SLC25A26: variants seen among roughly 807,000 people sequenced by gnomAD.
SLC25A26 encodes solute carrier family 25 member 26.
In SLC25A26, 36 loss-of-function variants were observed where a neutral mutation model predicts 37.8. The ratio of observed to expected loss-of-function variants is 0.95; its 90% CI spans 0.73 to 1.26. The LOEUF (loss-of-function observed/expected upper bound fraction) is 1.26. Among genes scored for constraint, SLC25A26 ranks in the 50% most tolerant of loss-of-function variants. SLC25A26 has a pLI of 0.00. For synonymous variants in SLC25A26, 129 were observed against 122.5 expected, an observed-to-expected ratio of 1.05 and a Z score of -0.35; for missense variants, 390 against 331.1, an observed-to-expected ratio of 1.18 and a Z score of -1.38.
chr3:66,224,268 C>T (rs1553659680), intron 1 of SLC25A26, among the ~76,000 whole-genome samples: 1 of 152,134 alleles, frequency 6.6e-6, no homozygotes, highest in African/African-American at 2.4e-5. Context: ...ACAAAGATAC[C>T]TGAGACTGGG....
intron 1 of SLC25A26, among the ~76,000 whole-genome samples, chr3:66,172,524 G>C (rs2070516293): frequency 6.6e-6 from 1 of 151,478 alleles, no homozygotes; most frequent in Admixed American, 6.6e-5. Flanking sequence ...CTTCAGGCAA[G>C]ACTGGTCGGG....
intron 9 of SLC25A26, chr3:66,371,276 C>A: frequency 6.5e-7 from 1 of 1,549,560 alleles, no homozygotes; most frequent in East Asian, 2.4e-5. Context: ...CGGCAGCTGC[C>A]TGGACTTCGG....
At chr3:66,244,102 A>G (rs2072714948) in intron 3 of SLC25A26, among the ~76,000 whole-genome samples, 1 of 152,196 alleles carries the variant, frequency 6.6e-6, no homozygotes. Context: ...ATTAGCTCCC[A>G]TAATTACTGG....
chr3:66,180,240 T>C (rs2070674355), intron 1 of SLC25A26, among the ~76,000 whole-genome samples: 1 of 152,186 alleles, frequency 6.6e-6, no homozygotes, highest in Non-Finnish European at 1.5e-5. Flanking sequence ...CAATTTATTT[T>C]CCTCTGAGGC....
intron 1 of SLC25A26, among the ~76,000 whole-genome samples, chr3:66,182,652 C>T (rs1365731090): frequency 7.3e-6 from 1 of 136,894 alleles, no homozygotes; most frequent in Admixed American, 8.3e-5. Flanking sequence ...GTCGCTGGCA[C>T]AAGATCTAAT....
At chr3:66,359,964 A>T (rs1433972937) in intron 6 of SLC25A26, among the ~76,000 whole-genome samples, 1 of 152,222 alleles carries the variant, frequency 6.6e-6, no homozygotes, top group Non-Finnish European at 1.5e-5. Flanking sequence ...TCAGAGAATC[A>T]TTCACGTTAG....
At chr3:66,229,043 G>T (rs1021329282) in intron 1 of SLC25A26, among the ~76,000 whole-genome samples, 1 of 152,194 alleles carries the variant, frequency 6.6e-6, no homozygotes, top group Non-Finnish European at 1.5e-5. Context: ...GTCATCTTCA[G>T]TGTTTGGTAA....
intron 5 of SLC25A26, among the ~76,000 whole-genome samples, chr3:66,321,433 A>G (rs1042497440): frequency 2.0e-5 from 3 of 152,138 alleles, no homozygotes; most frequent in African/African-American, 4.8e-5. Flanking sequence ...GTGCGCTAGT[A>G]TGGAGTGCTG....
chr3:66,215,442 C>A (rs1472709349), intron 1 of SLC25A26, among the ~76,000 whole-genome samples: 2 of 152,136 alleles, frequency 1.3e-5, no homozygotes, highest in Non-Finnish European at 2.9e-5. Context: ...CTCAAGTGAT[C>A]CTCCTACCTC....
At chr3:66,275,255 T>TG (rs1367012849) in intron 5 of SLC25A26, among the ~76,000 whole-genome samples, 1 of 76,544 alleles carries the variant, frequency 1.3e-5, no homozygotes, top group African/African-American at 5.3e-5. Flanking sequence ...TGTTGTGGGG[T>TG]GGGGGGCGGG....
chr3:66,308,476 A>G (rs1418851883), intron 5 of SLC25A26, among the ~76,000 whole-genome samples: 1 of 152,144 alleles, frequency 6.6e-6, no homozygotes, highest in Non-Finnish European at 1.5e-5. Flanking sequence ...CTCTCTTCCT[A>G]TTTGAATACC....
At chr3:66,346,034 A>G (rs2076314263) in intron 5 of SLC25A26, among the ~76,000 whole-genome samples, 1 of 152,130 alleles carries the variant, frequency 6.6e-6, no homozygotes, top group Non-Finnish European at 1.5e-5. Flanking sequence ...CTCTAAAGAA[A>G]ATATACAAAA....
chr3:66,330,361 G>A (rs1463416938), intron 5 of SLC25A26, among the ~76,000 whole-genome samples: 1 of 152,166 alleles, frequency 6.6e-6, no homozygotes, highest in Non-Finnish European at 1.5e-5. Context: ...CCAATCAGAT[G>A]TGACAACAGG....
At chr3:66,359,101 C>T (rs921197464) in intron 6 of SLC25A26, among the ~76,000 whole-genome samples, 2 of 152,130 alleles carry the variant, frequency 1.3e-5, no homozygotes, top group African/African-American at 4.8e-5. Context: ...TTATTCTGGC[C>T]AGGTGATAGT....
chr3:66,286,270 A>C (rs1353717965), intron 5 of SLC25A26, among the ~76,000 whole-genome samples: 1 of 152,112 alleles, frequency 6.6e-6, no homozygotes, highest in African/African-American at 2.4e-5. Flanking sequence ...ACTCTGCCTA[A>C]CTCTAAGTCA....
chr3:66,181,236 G>T (rs992556724), intron 1 of SLC25A26, among the ~76,000 whole-genome samples: 1 of 152,214 alleles, frequency 6.6e-6, no homozygotes, highest in Non-Finnish European at 1.5e-5. Flanking sequence ...ACATATTAAG[G>T]CCTAGCAGGT....
At chr3:66,298,501 T>C (rs1176197487) in intron 5 of SLC25A26, among the ~76,000 whole-genome samples, 2 of 152,212 alleles carry the variant, frequency 1.3e-5, no homozygotes, top group Non-Finnish European at 2.9e-5. Flanking sequence ...ATTTCAAAAC[T>C]GATGATTTGT....
At chr3:66,259,671 A>G (rs1039629668) in intron 3 of SLC25A26, among the ~76,000 whole-genome samples, 8 of 152,170 alleles carry the variant, frequency 5.3e-5, no homozygotes, top group Admixed American at 2.6e-4. Flanking sequence ...TAGAACTGCT[A>G]TAGCAGTCTC....
At chr3:66,185,001 T>A (rs1429777368) in intron 1 of SLC25A26, among the ~76,000 whole-genome samples, 4 of 152,196 alleles carry the variant, frequency 2.6e-5, no homozygotes, top group African/African-American at 9.7e-5. Flanking sequence ...CTTAAACATT[T>A]TAAAGTATAC....
Sources: gnomAD v4.1 joint callset for allele counts (sites outside exome capture counted in the v4.1 genomes callset) on GRCh38, gnomAD v4.1.1 for gene constraint, MANE v1.5 for transcripts, NCBI Gene and HGNC (gene_info 2026-07-23, HGNC 2026-07-21) for gene names.